Variants in MEF2A observed in about 807,000 individuals in gnomAD.
The protein encoded by MEF2A is myocyte enhancer factor 2A.
In MEF2A, 28 loss-of-function variants were observed where a neutral mutation model predicts 55.8. The ratio of observed to expected loss-of-function variants is 0.50; its 90% CI spans 0.37 to 0.69. The LOEUF (loss-of-function observed/expected upper bound fraction) is 0.69, where lower values mean the gene tolerates loss of function less well. Ranked by LOEUF, MEF2A falls within the 30% of genes least tolerant of loss-of-function variation. The probability of loss-of-function intolerance (pLI) is 0.00; values close to 1 mark genes in which losing one functional copy is unlikely to be tolerated. For synonymous variants in MEF2A, 239 were observed against 227.1 expected, an observed-to-expected ratio of 1.05 and a Z score of -0.47; for missense variants, 528 against 626.2, an observed-to-expected ratio of 0.84 and a Z score of 1.67.
chr15:99,675,884 A>G (rs2051902227), intron 7 of MEF2A, among the ~76,000 whole-genome samples: 1 of 152,062 alleles, frequency 6.6e-6, no homozygotes, highest in Non-Finnish European at 1.5e-5. Flanking sequence ...CTAAAATACA[A>G]AAAAATTTAG....
intron 1 of MEF2A, among the ~76,000 whole-genome samples, chr15:99,586,380 T>C (rs941537872): frequency 1.4e-4 from 21 of 152,204 alleles, no homozygotes; most frequent in Non-Finnish European, 1.9e-4. Flanking sequence ...TTTTAGTGGA[T>C]ATTTACTTGT....
At chr15:99,618,489 A>G (rs2040579118) in intron 2 of MEF2A, among the ~76,000 whole-genome samples, 1 of 152,178 alleles carries the variant, frequency 6.6e-6, no homozygotes, top group South Asian at 2.1e-4. Flanking sequence ...CCTGCGCTTT[A>G]AAGTACTGCG....
chr15:99,621,308 C>T (rs185400214), intron 2 of MEF2A, among the ~76,000 whole-genome samples: 2 of 151,998 alleles, frequency 1.3e-5, no homozygotes, highest in African/African-American at 4.8e-5. Flanking sequence ...TATATTATTC[C>T]CCTGCCATAT....
At chr15:99,706,527 T>C (rs139799842) in intron 9 of MEF2A, 74 of 563,864 alleles carry the variant, frequency 1.3e-4, no homozygotes, top group East Asian at 3.2e-4. Context: ...TCAACTATTT[T>C]AAAAGAATTA....
intron 1 of MEF2A, among the ~76,000 whole-genome samples, chr15:99,572,488 A>G (rs1426090474): frequency 1.3e-5 from 2 of 151,932 alleles, no homozygotes; most frequent in Non-Finnish European, 2.9e-5. Context: ...TTGCTTATTT[A>G]TGGTATTTGT....
intron 5 of MEF2A, among the ~76,000 whole-genome samples, chr15:99,672,548 T>C (rs952779224): frequency 1.3e-4 from 20 of 152,230 alleles, no homozygotes; most frequent in African/African-American, 4.6e-4. Context: ...AATGCTGATA[T>C]TTATTTTAGC....
intron 7 of MEF2A, among the ~76,000 whole-genome samples, chr15:99,676,503 CTAGAAG>C (rs1237658049): frequency 6.6e-6 from 1 of 151,508 alleles, no homozygotes; most frequent in East Asian, 1.9e-4. Context: ...AGGCTGGACT[CTAGAAG>C]TAAAGTAAAC....
intron 10 of MEF2A, among the ~76,000 whole-genome samples, chr15:99,710,181 A>G (rs985327346): frequency 6.6e-6 from 1 of 152,164 alleles, no homozygotes; most frequent in Non-Finnish European, 1.5e-5. Context: ...GATTTTGCGG[A>G]TTTTAGACCC....
Position 99,712,701 on chromosome 15 carries a change from G to A in MEF2A, c.1448G>A (p.Arg483Gln), listed in dbSNP as rs370778860. ...GDFHSPIVLG[R>Q]PPNTEDRESP... ...TTCCATTCTCCAATTGTGCTTGGCC[G>A]ACCCCCAAACACTGAGGACAGAGAA... The change falls in exon 12 of 12, where the codon CGA becomes CAA. Residue 483 changes from arginine to glutamine, a missense_variant. Around this residue, in one of 2 missense-constraint regions of MEF2A, gnomAD observed 450 missense variants for 475.3 expected, o/e 0.95. Coordinates refer to ENST00000557942, the MANE Select transcript of MEF2A (RefSeq NM_001319206.4). The surrounding 1 kb of genome is among the most constrained non-coding windows in gnomAD (Gnocchi z 4.1). 43 of 1,564,386 alleles carry A rather than the reference G, an allele frequency of 2.7e-5. No individual in the cohort carries two copies. Among genetic ancestry groups the A allele is most frequent in the Non-Finnish European group, 3.6e-5 (41 of 1,154,302 alleles).
chr15:99,603,758 A>C (rs1431217134), intron 2 of MEF2A, among the ~76,000 whole-genome samples: 2 of 152,124 alleles, frequency 1.3e-5, no homozygotes, highest in Non-Finnish European at 2.9e-5. Context: ...GAGTTTTCTA[A>C]AAATGTTAAC....
intron 4 of MEF2A, among the ~76,000 whole-genome samples, chr15:99,660,050 G>A (rs539516553): frequency 1.4e-4 from 21 of 152,168 alleles, no homozygotes; most frequent in Middle Eastern, 3.4e-3. Context: ...TCCTTTCCTC[G>A]TTATCTAAAA....
At chr15:99,662,708 C>T (rs923619285) in intron 4 of MEF2A, among the ~76,000 whole-genome samples, 69 of 152,254 alleles carry the variant, frequency 4.5e-4, no homozygotes, top group African/African-American at 1.6e-3. Context: ...AAACTCCTGA[C>T]CTAAAGTGAT....
chr15:99,651,352 G>A (rs1403345626), intron 4 of MEF2A, among the ~76,000 whole-genome samples: 4 of 152,134 alleles, frequency 2.6e-5, no homozygotes, highest in Non-Finnish European at 5.9e-5. Context: ...TTTTCTGACA[G>A]TATCATGATA....
intron 3 of MEF2A, among the ~76,000 whole-genome samples, chr15:99,638,937 T>C (rs1348797621): frequency 6.6e-6 from 1 of 152,132 alleles, no homozygotes; most frequent in East Asian, 1.9e-4. Flanking sequence ...TTTAAAGAGG[T>C]ATTTGTTGTA....
rs1345513792 is a variant in MEF2A at position 99,714,524 on chromosome 15, C to T, written c.*1753C>T. On this transcript the variant is annotated 3_prime_UTR_variant, in exon 12 of 12. Coordinates refer to ENST00000557942, the MANE Select transcript of MEF2A (RefSeq NM_001319206.4). Reference sequence around the variant, plus strand: ...GGAGAAACACTCTTAGGGTGCTGGTCCTTGGCATGACTCTTGCCATTCTAA... The same window carrying T: ...GGAGAAACACTCTTAGGGTGCTGGTTCTTGGCATGACTCTTGCCATTCTAA... 6.6e-6 allele frequency: 1 copy of T among 152,066 alleles called. No individual in the cohort carries two copies. Among genetic ancestry groups the T allele is most frequent in the Non-Finnish European group, 1.5e-5 (1 of 68,016 alleles). 9.4% of individuals were successfully genotyped at this position (152,066 alleles called of 1,614,324 possible). A position where few individuals can be genotyped will look rare whatever the true frequency, so the allele number is the denominator to read the frequency against.
At chr15:99,613,719 C>T (rs1257170063) in intron 2 of MEF2A, among the ~76,000 whole-genome samples, 2 of 152,150 alleles carry the variant, frequency 1.3e-5, no homozygotes, top group African/African-American at 4.8e-5. Context: ...GAGGTCAGAA[C>T]TCTTAAATTA....
At chr15:99,641,490 G>C (rs890583885) in intron 3 of MEF2A, among the ~76,000 whole-genome samples, 2 of 152,156 alleles carry the variant, frequency 1.3e-5, no homozygotes, top group African/African-American at 4.8e-5. Context: ...TTGGGAGGCC[G>C]AGGCGGGCGG....
chr15:99,624,464 C>T (rs968122289), intron 2 of MEF2A, among the ~76,000 whole-genome samples: 1 of 152,172 alleles, frequency 6.6e-6, no homozygotes, highest in African/African-American at 2.4e-5. Context: ...GTCTTAGCAT[C>T]CTTTTTGAAA....
intron 3 of MEF2A, among the ~76,000 whole-genome samples, chr15:99,639,711 A>G (rs991508364): frequency 3.3e-5 from 5 of 152,134 alleles, no homozygotes; most frequent in African/African-American, 7.2e-5. Context: ...CTATTTGCCC[A>G]TATACTTTGC....
Sources: gnomAD v4.1 joint callset for allele counts (sites outside exome capture counted in the v4.1 genomes callset) on GRCh38, gnomAD v4.1.1 for gene constraint, gnomAD v4.1.1 regional missense constraint, Gnocchi (gnomAD v3.1) non-coding constraint, MANE v1.5 for transcripts, NCBI Gene and HGNC (gene_info 2026-07-23, HGNC 2026-07-21) for gene names.